Variants in VAT1L observed in about 807,000 individuals in gnomAD.
The protein encoded by VAT1L is vesicle amine transport 1 like, also known as putative NADPH-dependent quinone oxidoreductase VAT1L.
VAT1L carries 34 observed loss-of-function variants against 44.1 expected under a neutral mutation model. The observed-to-expected ratio is 0.77, with a 90% confidence interval of 0.59 to 1.03. The LOEUF (loss-of-function observed/expected upper bound fraction) is 1.03, where lower values mean the gene tolerates loss of function less well. Among genes scored for constraint, VAT1L ranks in the 50% least tolerant of loss-of-function variants. The pLI is 0.00. For synonymous variants in VAT1L, 253 were observed against 202.2 expected (o/e 1.25, Z -2.13); for missense variants, 615 against 538.8 (o/e 1.14, Z -1.40).
chr16:77,855,295 G>A (rs57701652), intron 3 of VAT1L, among the ~76,000 whole-genome samples: 2,579 of 151,130 alleles, frequency 0.017, 78 homozygotes, highest in African/African-American at 0.059. Context: ...AGCCGAGATC[G>A]TGCCACTGCA....
intron 7 of VAT1L, among the ~76,000 whole-genome samples, chr16:77,929,796 C>G (rs1416065377): frequency 6.6e-6 from 1 of 152,148 alleles, no homozygotes; most frequent in East Asian, 1.9e-4. Context: ...TCCGAGGAGA[C>G]CCAGATAATA....
chr16:77,792,967 T>C (rs2015860908), intron 1 of VAT1L, among the ~76,000 whole-genome samples: 1 of 152,224 alleles, frequency 6.6e-6, no homozygotes, highest in African/African-American at 2.4e-5. Flanking sequence ...TTACTTTTGG[T>C]TGCCGTATAA....
chr16:77,807,248 T>C (rs1387660600), intron 1 of VAT1L, among the ~76,000 whole-genome samples: 3 of 152,144 alleles, frequency 2.0e-5, no homozygotes, highest in African/African-American at 7.2e-5. Flanking sequence ...AGCATCCTTT[T>C]AGAATCTCAG....
chr16:77,944,424 G>A (rs948765945), intron 7 of VAT1L, among the ~76,000 whole-genome samples: 9 of 152,140 alleles, frequency 5.9e-5, no homozygotes, highest in Admixed American at 3.9e-4. Flanking sequence ...ATAAATGACC[G>A]AAGGATAATG....
intron 3 of VAT1L, among the ~76,000 whole-genome samples, chr16:77,832,478 G>A (rs2016591006): frequency 6.6e-6 from 1 of 152,146 alleles, no homozygotes; most frequent in Non-Finnish European, 1.5e-5. Context: ...TCACAGGAAG[G>A]GCTGGAAGAA....
chr16:77,854,134 A>G (rs1355821421), intron 3 of VAT1L, among the ~76,000 whole-genome samples: 2 of 150,744 alleles, frequency 1.3e-5, no homozygotes, highest in African/African-American at 2.4e-5. Flanking sequence ...TCTCAAACGA[A>G]AAAAAAAAAA....
Position 77,958,628 on chromosome 16 carries a change from A to G in VAT1L, c.1078-13222A>G, listed in dbSNP as rs540494058. On this transcript the variant is annotated intron_variant, in intron 7 of 8. Coordinates refer to ENST00000302536, the MANE Select transcript of VAT1L (RefSeq NM_020927.3). ...TCAAAACACAATAAGACAAGAATAT[A>G]TAATTTGGTTTCATTATGAGTTCGA... Among the ~76,000 whole-genome samples, 8 of 152,258 alleles carry G rather than the reference A, an allele frequency of 5.3e-5. No individual in the cohort carries two copies. The East Asian group carries it at 1.5e-3, about 29-fold the overall frequency.
intron 7 of VAT1L, among the ~76,000 whole-genome samples, chr16:77,886,581 C>T (rs1269185116): frequency 6.6e-6 from 1 of 152,178 alleles, no homozygotes; most frequent in Non-Finnish European, 1.5e-5. Flanking sequence ...TACTGAACAA[C>T]AACTATGTGC....
At chr16:77,934,062 G>A (rs1597106277) in intron 7 of VAT1L, among the ~76,000 whole-genome samples, 2 of 152,200 alleles carry the variant, frequency 1.3e-5, no homozygotes, top group South Asian at 4.1e-4. Context: ...AAGAATAGAA[G>A]TAAGAAGAAT....
chr16:77,846,472 C>T (rs1387014298), intron 3 of VAT1L, among the ~76,000 whole-genome samples: 1 of 152,158 alleles, frequency 6.6e-6, no homozygotes, highest in African/African-American at 2.4e-5. Context: ...TCACTACTGG[C>T]AATATCTTCT....
intron 3 of VAT1L, among the ~76,000 whole-genome samples, chr16:77,850,525 G>A (rs896274389): frequency 6.6e-6 from 1 of 152,098 alleles, no homozygotes; most frequent in African/African-American, 2.4e-5. Context: ...CACAGTTTAT[G>A]CCTGTTGATC....
At chr16:77,959,703 G>A (rs2018141406) in intron 7 of VAT1L, among the ~76,000 whole-genome samples, 1 of 152,098 alleles carries the variant, frequency 6.6e-6, no homozygotes, top group Non-Finnish European at 1.5e-5. Context: ...AAAGGAAGTT[G>A]GCTACTATGA....
chr16:77,933,724 G>C (rs747781634), intron 7 of VAT1L, among the ~76,000 whole-genome samples: 1 of 152,186 alleles, frequency 6.6e-6, no homozygotes, highest in African/African-American at 2.4e-5. Context: ...CAAGTGCAAA[G>C]GCCCTGAGGT....
chr16:77,936,027 C>A (rs898035858), intron 7 of VAT1L, among the ~76,000 whole-genome samples: 1 of 151,982 alleles, frequency 6.6e-6, no homozygotes, highest in African/African-American at 2.4e-5. Flanking sequence ...TTTTGAGAAT[C>A]AGTGATACAT....
In VAT1L at chr16:77,869,309, G is replaced by T. The variant is rs979986768; in HGVS notation, c.722+6419G>T. On this transcript the variant is annotated intron_variant, in intron 4 of 8. Coordinates refer to ENST00000302536, the MANE Select transcript of VAT1L (RefSeq NM_020927.3). The stretch of plus-strand genomic sequence containing the variant: ...TTCCTTTAGACAAGATAAATACAGT[G>T]TGAGAGTGAGAACTCCAGGGGCCTG... Among the ~76,000 whole-genome samples, 47 of 152,342 alleles carry T rather than the reference G, an allele frequency of 3.1e-4. 1 individual carries two copies. Among genetic ancestry groups the T allele is most frequent in the African/African-American group, 1.1e-3 (44 of 41,576 alleles).
chr16:77,969,941 A>G (rs1271878740), intron 7 of VAT1L, among the ~76,000 whole-genome samples: 1 of 151,354 alleles, frequency 6.6e-6, no homozygotes, highest in African/African-American at 2.4e-5. Context: ...GGCCGGGCAC[A>G]GTGGCTCATG....
intron 7 of VAT1L, among the ~76,000 whole-genome samples, chr16:77,937,773 G>A (rs753665802): frequency 2.0e-5 from 3 of 152,208 alleles, no homozygotes; most frequent in Non-Finnish European, 2.9e-5. Flanking sequence ...TCCTTGAAAA[G>A]GCGAGTTGAA....
chr16:77,870,434 G>A (rs1300375281), intron 4 of VAT1L, among the ~76,000 whole-genome samples: 7 of 152,174 alleles, frequency 4.6e-5, no homozygotes, highest in Non-Finnish European at 8.8e-5. Flanking sequence ...TACTTTTCTT[G>A]GCAAGGTCAA....
rs145542018 is a variant in VAT1L at position 77,862,676 on chromosome 16, T to C, written c.580-72T>C. On this transcript the variant is annotated intron_variant, in intron 3 of 8. Coordinates refer to ENST00000302536, the MANE Select transcript of VAT1L (RefSeq NM_020927.3). ...AATAGTGCCGATGGAGAAATCCTGC[T>C]CTACACCCAGCAAGACTGGCTATGA... 77 of 1,143,766 alleles carry C rather than the reference T, an allele frequency of 6.7e-5. No individual in the cohort carries two copies. In the East Asian group the frequency reaches 2.1e-3, roughly 31 times the overall value. The allele number at this position is 1,143,766 out of a possible 1,614,324, so 70.9% of individuals were successfully genotyped here. A position where few individuals can be genotyped will look rare whatever the true frequency, so the allele number is the denominator to read the frequency against.
Sources: allele counts gnomAD v4.1 joint callset (sites outside exome capture counted in the v4.1 genomes callset), GRCh38; gene constraint gnomAD v4.1.1; transcripts MANE v1.5; gene names NCBI Gene and HGNC (gene_info 2026-07-23, HGNC 2026-07-21).